CHRNA7: variants seen among roughly 807,000 people sequenced by gnomAD.
CHRNA7 encodes cholinergic receptor nicotinic alpha 7 subunit.
In CHRNA7, 17 loss-of-function variants were observed where a neutral mutation model predicts 48.0. The observed-to-expected ratio is 0.35, with a 90% CI of 0.24 to 0.53. CHRNA7 has a LOEUF of 0.53. CHRNA7 is among the 20% of genes least tolerant of loss of function. CHRNA7 has a pLI of 0.92. For missense variants in CHRNA7, 155 were observed against 577.7 expected, an observed-to-expected ratio of 0.27 and a Z score of 7.50; for synonymous variants, 75 against 242.3, an observed-to-expected ratio of 0.31 and a Z score of 6.41.
At chr15:32,084,473 A>G (rs1335241059) in intron 2 of CHRNA7, among the ~76,000 whole-genome samples, 1 of 152,216 alleles carries the variant, frequency 6.6e-6, no homozygotes, top group African/African-American at 2.4e-5. Flanking sequence ...CAGAACATGC[A>G]CTTTGGGCAA....
intron 3 of CHRNA7, among the ~76,000 whole-genome samples, chr15:32,104,874 A>G (rs1390466925): frequency 1.3e-5 from 2 of 152,126 alleles, no homozygotes; most frequent in Non-Finnish European, 2.9e-5. Flanking sequence ...TGCTGTTGAC[A>G]TTTTTCTTAC....
intron 4 of CHRNA7, among the ~76,000 whole-genome samples, chr15:32,129,266 A>T (rs941819528): frequency 6.6e-6 from 1 of 151,858 alleles, no homozygotes; most frequent in Non-Finnish European, 1.5e-5. Flanking sequence ...TTTGGTTATG[A>T]GGTTAATAAA....
In CHRNA7 at chr15:32,150,359, A is replaced by G. The variant is rs537367610; in HGVS notation, c.351-3548A>G. The stretch of plus-strand genomic sequence containing the variant: ...AGGTGTGGGCCACTGTGCCCAGACT[A>G]TAGACCATGCTTTCTATGTTGCTGC... On this transcript the variant is annotated intron_variant, in intron 4 of 9. Coordinates refer to ENST00000306901, the MANE Select transcript of CHRNA7 (RefSeq NM_000746.6). Among the ~76,000 whole-genome samples, 7 of 152,290 alleles carry G rather than the reference A, an allele frequency of 4.6e-5. No homozygotes were observed. In the South Asian group the frequency reaches 1.2e-3, roughly 27 times the overall value.
intron 2 of CHRNA7, among the ~76,000 whole-genome samples, chr15:32,055,220 TTC>T (rs201235082): frequency 3.3e-5 from 5 of 152,038 alleles, no homozygotes; most frequent in Admixed American, 1.3e-4. Context: ...TCTTTACTAT[TTC>T]TCTCTCTCTT....
chr15:32,038,737 A>G lies in CHRNA7; in HGVS notation c.195+7700A>G, dbSNP rs1037790963. The stretch of plus-strand genomic sequence containing the variant: ...CTGGTTTGTGGTTATCTTTTCTTAG[A>G]ATGTCTTTATCTGCCATTTGTATTA... On this transcript the variant is annotated intron_variant, in intron 2 of 9. Coordinates refer to ENST00000306901, the MANE Select transcript of CHRNA7 (RefSeq NM_000746.6). Among the ~76,000 whole-genome samples, 4 of 152,264 alleles carry G rather than the reference A, an allele frequency of 2.6e-5. 1 individual carries two copies. The highest frequency in any genetic ancestry group is 6.5e-5 in the Admixed American group (1 of 15,292).
chr15:32,071,182 A>G (rs534982986), intron 2 of CHRNA7, among the ~76,000 whole-genome samples: 43 of 152,236 alleles, frequency 2.8e-4, no homozygotes, highest in Admixed American at 1.7e-3. Context: ...CACAGCCTAG[A>G]TCACTGTAAA....
At chr15:32,061,623 C>T (rs1445627721) in intron 2 of CHRNA7, among the ~76,000 whole-genome samples, 1 of 152,096 alleles carries the variant, frequency 6.6e-6, no homozygotes, top group Non-Finnish European at 1.5e-5. Context: ...GCCTGGCCAA[C>T]ATGATGAAAC....
At position 32,115,743 on chromosome 15, in the gene CHRNA7, G is replaced by A. The variant is rs527355983; in HGVS notation, c.350+3844G>A. On this transcript the variant is annotated intron_variant, in intron 4 of 9. Coordinates refer to ENST00000306901, the MANE Select transcript of CHRNA7 (RefSeq NM_000746.6). ...ACTTAGGGTCTGCTACCTCTTAGGG[G>A]CACCTAGCAGGGCACTTGATACACA... Among the ~76,000 whole-genome samples the A allele has an allele frequency of 1.1e-4, 16 of 152,218 alleles. No individual in the cohort carries two copies. The East Asian group carries it at 3.1e-3, about 29-fold the overall frequency.
At chr15:32,075,713 A>G (rs757761151) in intron 2 of CHRNA7, among the ~76,000 whole-genome samples, 2 of 149,670 alleles carry the variant, frequency 1.3e-5, no homozygotes, top group Admixed American at 1.3e-4. Context: ...TCTTACCTCT[A>G]TTTTTTCCTT....
chr15:32,128,370 G>T (rs1410741968), intron 4 of CHRNA7, among the ~76,000 whole-genome samples: 1 of 151,922 alleles, frequency 6.6e-6, no homozygotes, highest in Non-Finnish European at 1.5e-5. Context: ...TAAGCCTACA[G>T]GTTCTCGTAG....
intron 2 of CHRNA7, among the ~76,000 whole-genome samples, chr15:32,082,189 C>A (rs921294326): frequency 1.3e-5 from 2 of 151,932 alleles, no homozygotes; most frequent in African/African-American, 4.8e-5. Flanking sequence ...GTGGAGATTT[C>A]TTTGGATTTA....
rs1189881567 is a variant in CHRNA7, at chr15:32,030,598, C to A, written c.4C>A (p.Arg2Ser). 1.3e-6 allele frequency: 2 copies of A among 1,551,988 alleles called. No individual in the cohort carries two copies. The highest frequency in any genetic ancestry group is 2.8e-5 in the African/African-American group (2 of 70,832). ...CGCTGCAGCTCCGGGACTCAACATGCGCTGCTCGCCGGGAGGCGTCTGGCT... is the reference window on the plus strand; with the variant it reads ...CGCTGCAGCTCCGGGACTCAACATGAGCTGCTCGCCGGGAGGCGTCTGGCT... M[R>S]CSPGGVWLAL... is the part of the protein sequence containing the mutation. The change falls in exon 1 of 10, where the codon CGC becomes AGC. Residue 2 changes from arginine to serine, a missense_variant. Physicochemically the swap from Arg to Ser is moderately radical, Grantham distance 110. Coordinates refer to ENST00000306901, the MANE Select transcript of CHRNA7 (RefSeq NM_000746.6).
intron 2 of CHRNA7, among the ~76,000 whole-genome samples, chr15:32,034,846 A>G (rs1273862695): frequency 6.6e-6 from 1 of 152,120 alleles, no homozygotes; most frequent in Non-Finnish European, 1.5e-5. Flanking sequence ...CAGAGGGGGA[A>G]GATATGGTGG....
In CHRNA7 at chr15:32,054,387, C is replaced by CTTCAAATGACAATAAAAG. The variant is rs1491145021; in HGVS notation, c.195+23351_195+23352insTCAAATGACAATAAAAGT. Among the ~76,000 whole-genome samples, 4 of 130,266 alleles carry CTTCAAATGACAATAAAAG rather than the reference C, an allele frequency of 3.1e-5. No homozygotes were observed. In the East Asian group the frequency reaches 1.4e-3, roughly 45 times the overall value. 85.5% of individuals were successfully genotyped at this position (130,266 alleles called of 152,430 possible). Reference sequence around the variant, plus strand: ...GTCATTTGAAGTAACCTTTAACACACTGTGTTAAAGGTCTCTCGTAGAGAG... The same window carrying CTTCAAATGACAATAAAAG: ...GTCATTTGAAGTAACCTTTAACACACTTCAAATGACAATAAAAGTGTGTTAAAGGTCTCTCGTAGAGAG... On this transcript the variant is annotated intron_variant, in intron 2 of 9. Transcript: ENST00000306901.
chr15:32,058,849 A>G (rs2049829774), intron 2 of CHRNA7, among the ~76,000 whole-genome samples: 1 of 152,198 alleles, frequency 6.6e-6, no homozygotes, highest in African/African-American at 2.4e-5. Flanking sequence ...CTAAAGTAAC[A>G]TCATCTATAT....
intron 4 of CHRNA7, among the ~76,000 whole-genome samples, chr15:32,130,815 G>T (rs975265416): frequency 4.0e-5 from 6 of 151,602 alleles, no homozygotes; most frequent in Non-Finnish European, 8.8e-5. Flanking sequence ...TCTCTTTCAA[G>T]AACTTCCTTG....
intron 4 of CHRNA7, among the ~76,000 whole-genome samples, chr15:32,115,586 C>T (rs1485415593): frequency 1.3e-5 from 2 of 152,006 alleles, no homozygotes; most frequent in East Asian, 1.9e-4. Context: ...TTTATATGAG[C>T]GTCTTGCGGG....
intron 2 of CHRNA7, among the ~76,000 whole-genome samples, chr15:32,061,945 G>A (rs1196787028): frequency 6.6e-6 from 1 of 152,170 alleles, no homozygotes; most frequent in Admixed American, 6.5e-5. Context: ...AATAATTCCT[G>A]TGATATTGTC....
At chr15:32,114,024 A>ATATATATATATATATATATATG (rs1566848601) in intron 4 of CHRNA7, among the ~76,000 whole-genome samples, 83 of 40,176 alleles carry the variant, frequency 2.1e-3, no homozygotes, top group African/African-American at 5.5e-3. Context: ...CTCCAAATAT[A>ATATATATATATATATATATATG]TATATATATA....
Sources: gnomAD v4.1 joint callset for allele counts (sites outside exome capture counted in the v4.1 genomes callset) on GRCh38, gnomAD v4.1.1 for gene constraint, MANE v1.5 for transcripts, NCBI Gene and HGNC (gene_info 2026-07-23, HGNC 2026-07-21) for gene names.